Variants in NEMF observed in about 807,000 individuals in gnomAD.
NEMF encodes the protein ribosome quality control complex subunit NEMF.
Under a neutral mutation model 162.2 loss-of-function variants are expected in NEMF, and 89 were observed. That is an observed-to-expected ratio of 0.55 (90% confidence interval 0.46 to 0.65). NEMF has a LOEUF of 0.65. NEMF is among the 30% of genes least tolerant of loss of function. The pLI is 0.00. For missense variants in NEMF, 1,133 were observed against 1,261.9 expected (o/e 0.90, Z 1.55); for synonymous variants, 421 against 404.5 (o/e 1.04, Z -0.49).
At chr14:49,802,780 T>G in intron 20 of NEMF, 53 bp from the exon 21 acceptor site, 2 of 1,457,936 alleles carry the variant, frequency 1.4e-6, no homozygotes, top group Admixed American at 4.1e-5. Flanking sequence ...CTCCATTTTT[T>G]GCTTGTAAAA....
In NEMF at chr14:49,782,895, A is replaced by AACACTT. The variant is rs1889975379; in HGVS notation, c.*1735_*1740dup. The AACACTT allele has an allele frequency of 6.2e-7, 1 of 1,613,896 alleles. No homozygotes were observed. Among genetic ancestry groups the AACACTT allele is most frequent in the Non-Finnish European group, 8.5e-7 (1 of 1,179,842 alleles). ...GCCAACTCATGGAACTGCCTTCCAA[A>AACACTT]ACACTTACTTCACAGTGTTAATCAG... is the stretch of plus-strand genomic sequence containing the variant. On this transcript the variant is annotated 3_prime_UTR_variant, in exon 33 of 33. Transcript: ENST00000298310.
At chr14:49,787,992 TAAAC>T (rs1204070170) in intron 28 of NEMF, among the ~76,000 whole-genome samples, 2 of 152,032 alleles carry the variant, frequency 1.3e-5, no homozygotes, top group African/African-American at 4.8e-5. Flanking sequence ...TATTAAAAAA[TAAAC>T]AGGCTGGGCA....
At chr14:49,794,919 T>C (rs916852964) in intron 26 of NEMF, among the ~76,000 whole-genome samples, 26 of 151,970 alleles carry the variant, frequency 1.7e-4, no homozygotes, top group African/African-American at 6.0e-4. Flanking sequence ...GGGTTCACCA[T>C]GTTGGATAGG....
intron 7 of NEMF, chr14:49,834,062 A>ATTTT: frequency 5.0e-6 from 2 of 400,630 alleles, no homozygotes; most frequent in South Asian, 2.2e-5. Context: ...ATCTCATTCA[A>ATTTT]TTTTTTTTTT....
rs751086138 is a variant in NEMF, at chr14:49,789,305, C to A, written c.2736G>T (p.Gly912=). 6.2e-7 allele frequency: 1 copy of A among 1,614,126 alleles called. No homozygotes were observed. Among genetic ancestry groups the A allele is most frequent in the East Asian group, 2.2e-5 (1 of 44,880 alleles). The change falls in exon 28 of 33, where the codon GGG becomes GGT. Residue 912 remains glycine (G), a synonymous_variant. Coordinates refer to ENST00000298310, the MANE Select transcript of NEMF (RefSeq NM_004713.6). Reference sequence around the variant, plus strand: ...GTTCGTCCTTTGTTTTTCCTTTCTTCCCCTTCTTCCCTTTTTCTTCTTTGT... The same window carrying A: ...GTTCGTCCTTTGTTTTTCCTTTCTTACCCTTCTTCCCTTTTTCTTCTTTGT... ...GSNKEEKGKK[G]KKGKTKDEPV...
chr14:49,832,824 A>C (rs571210927), intron 8 of NEMF, among the ~76,000 whole-genome samples: 39 of 152,334 alleles, frequency 2.6e-4, no homozygotes, highest in African/African-American at 8.9e-4. Flanking sequence ...AAAAGGGCTG[A>C]CAAATGAAAA....
rs144937378 is a variant in NEMF at position 49,826,101 on chromosome 14, C to T, written c.1489-146G>A. The stretch of plus-strand genomic sequence containing the variant: ...ACACAAACACACACACACACAAATA[C>T]GCATACTTGAAAGTAATGAAGAAAT... On this transcript the variant is annotated intron_variant, in intron 15 of 32. Coordinates refer to ENST00000298310, the MANE Select transcript of NEMF (RefSeq NM_004713.6). 5.8e-4 allele frequency: 311 copies of T among 537,816 alleles called. 4 individuals carry two copies. The South Asian group carries it at 6.0e-3, about 10-fold the overall frequency. 33.3% of individuals were successfully genotyped at this position (537,816 alleles called of 1,614,324 possible).
chr14:49,826,428 T>C (rs958733793), intron 15 of NEMF, among the ~76,000 whole-genome samples: 2 of 151,620 alleles, frequency 1.3e-5, no homozygotes, highest in Non-Finnish European at 2.9e-5. Context: ...GGAAACCCGA[T>C]TTACACTGGG....
chr14:49,810,003 G>C (rs371057483), intron 18 of NEMF, among the ~76,000 whole-genome samples: 1 of 151,790 alleles, frequency 6.6e-6, no homozygotes, highest in African/African-American at 2.4e-5. Flanking sequence ...TGCAGCAGGG[G>C]GTATGAGGGA....
chr14:49,822,482 C>G (rs1892123016), intron 16 of NEMF, among the ~76,000 whole-genome samples: 1 of 150,774 alleles, frequency 6.6e-6, no homozygotes, highest in Non-Finnish European at 1.5e-5. Flanking sequence ...GATCGCACCA[C>G]TGCACTCCAA....
intron 10 of NEMF, 147 bp from the exon 11 acceptor site, chr14:49,831,508 G>T (rs955947434): frequency 6.8e-6 from 4 of 589,586 alleles, no homozygotes; most frequent in Non-Finnish European, 1.2e-5. Flanking sequence ...CGCGATCTAG[G>T]CTCACTGCAA....
At chr14:49,834,241 C>T in intron 7 of NEMF, 122 bp downstream of exon 7, 2 of 652,652 alleles carry the variant, frequency 3.1e-6, no homozygotes, top group Non-Finnish European at 5.5e-6. Flanking sequence ...CAGGCATGAG[C>T]CAGTGTGCCT....
intron 16 of NEMF, among the ~76,000 whole-genome samples, chr14:49,818,046 A>G (rs1228525241): frequency 1.3e-5 from 2 of 151,220 alleles, no homozygotes; most frequent in Non-Finnish European, 2.9e-5. Flanking sequence ...ATACAACCAA[A>G]TTTTGAAAGC....
rs578233845 is a variant in NEMF, at chr14:49,788,157, T to TA, written c.2895+988dup. On this transcript the variant is annotated intron_variant, in intron 28 of 32. Coordinates refer to ENST00000298310, the MANE Select transcript of NEMF (RefSeq NM_004713.6). The stretch of plus-strand genomic sequence containing the variant: ...AGCCAGGCGTGATGGTGCATGCTTG[T>TA]AATCCCAGCTACTCAGAAGGCTGAG... Among the ~76,000 whole-genome samples the TA allele has an allele frequency of 4.6e-5, 7 of 151,266 alleles. No homozygotes were observed. The East Asian group carries it at 1.4e-3, about 30-fold the overall frequency.
chr14:49,784,106 G>C lies in NEMF; in HGVS notation c.*530C>G, dbSNP rs1029180327. On this transcript the variant is annotated 3_prime_UTR_variant, in exon 33 of 33. Transcript: ENST00000298310. ...TTCAAGAAAATGTAGAATAACTACA[G>C]ATGTATATAATTAGCATTTAACTGT... The C allele has an allele frequency of 4.0e-5, 6 of 151,320 alleles. No homozygotes were observed. Among genetic ancestry groups the C allele is most frequent in the African/African-American group, 1.5e-4 (6 of 41,136 alleles). The allele number at this position is 151,320 out of a possible 1,614,324, so 9.4% of individuals were successfully genotyped here.
chr14:49,842,226 A>AG (rs11380093), intron 4 of NEMF, among the ~76,000 whole-genome samples: 142,859 of 151,656 alleles, frequency 0.94, 67,891 homozygotes, highest in Non-Finnish European at 1. Context: ...TAGTAGAAAG[A>AG]GGTTACCTAA....
chr14:49,795,333 A>G (rs61984604), intron 26 of NEMF, among the ~76,000 whole-genome samples: 2 of 103,212 alleles, frequency 1.9e-5, no homozygotes, highest in Admixed American at 1.6e-4. Flanking sequence ...GAGCAAGACT[A>G]TCTTGGGGGA....
intron 4 of NEMF, chr14:49,844,833 A>G: frequency 2.4e-6 from 1 of 414,692 alleles, no homozygotes; most frequent in Non-Finnish European, 4.9e-6. Flanking sequence ...CAATGGCATG[A>G]TCTCAGCTCA....
intron 15 of NEMF, among the ~76,000 whole-genome samples, chr14:49,826,462 G>A (rs3126205): frequency 0.97 from 146,028 of 150,980 alleles, 70,824 homozygotes; most frequent in South Asian, 1. Flanking sequence ...AGGTATCTCT[G>A]AGGAAATGAC....
Sources: allele counts gnomAD v4.1 joint callset (sites outside exome capture counted in the v4.1 genomes callset), GRCh38; gene constraint gnomAD v4.1.1; transcripts MANE v1.5; gene names NCBI Gene and HGNC (gene_info 2026-07-23, HGNC 2026-07-21).